The following IGSF9B variants were observed in gnomAD, a reference collection of about 807,000 sequenced individuals.
The protein encoded by IGSF9B is immunoglobulin superfamily member 9B.
A neutral mutation model predicts 143.7 loss-of-function variants in IGSF9B; 48 were observed. The observed-to-expected ratio is 0.33, with a 90% CI of 0.26 to 0.42. IGSF9B has a LOEUF of 0.42. IGSF9B is among the 20% of genes least tolerant of loss of function. IGSF9B has a pLI of 1.00. For missense variants in IGSF9B, 1,706 were observed against 1,980.0 expected (o/e 0.86, Z 2.63); for synonymous variants, 903 against 833.1 (o/e 1.08, Z -1.44).
At chr11:133,954,247 T>TCCTTCCATAAACCTCTGG (rs1242579191) in intron 1 of IGSF9B, among the ~76,000 whole-genome samples, 1 of 152,192 alleles carries the variant, frequency 6.6e-6, no homozygotes, top group East Asian at 1.9e-4. Flanking sequence ...CCGGGCTGTG[T>TCCTTCCATAAACCTCTGG]CCTTCCATAA....
rs1257004419 is a variant in IGSF9B at position 133,920,446 on chromosome 11, G to A, written c.3279C>T (p.Gly1093=). 3 of 1,567,434 alleles carry A rather than the reference G, an allele frequency of 1.9e-6. No homozygotes were observed. Among genetic ancestry groups the A allele is most frequent in the Admixed American group, 1.8e-5 (1 of 54,424 alleles). ...TSLQVPAAYP[G]ILSLEAPKGW... ...CCTTCGGTGCCTCCAGAGACAGGATGCCCGGGTAGGCCGCGGGCACCTGCA... is the reference window on the plus strand; with the variant it reads ...CCTTCGGTGCCTCCAGAGACAGGATACCCGGGTAGGCCGCGGGCACCTGCA... Residue 1093 remains glycine, a synonymous_variant, in exon 18 of 20, where the codon GGC becomes GGT. Transcript: ENST00000533871.
At chr11:133,951,496 G>C (rs981880660) in intron 1 of IGSF9B, among the ~76,000 whole-genome samples, 1 of 152,256 alleles carries the variant, frequency 6.6e-6, no homozygotes, top group Admixed American at 6.5e-5. Flanking sequence ...CTCCGGCCCT[G>C]AGCCTTCTCG....
chr11:133,917,194 T>C (rs1378053789), intron 18 of IGSF9B, among the ~76,000 whole-genome samples: 2 of 152,142 alleles, frequency 1.3e-5, no homozygotes, highest in Non-Finnish European at 2.9e-5. Flanking sequence ...GCCCGATGCC[T>C]GTGTGTGCCC....
chr11:133,950,817 C>T (rs906460398), intron 1 of IGSF9B, among the ~76,000 whole-genome samples: 1 of 152,112 alleles, frequency 6.6e-6, no homozygotes, highest in Non-Finnish European at 1.5e-5. Flanking sequence ...AAGCGGGGAA[C>T]GGAGTGAGCA....
chr11:133,932,362 AGACAGACAGACACGGG>A (rs1939749629), intron 7 of IGSF9B, 149 bp from the exon 8 acceptor site: 1 of 774,488 alleles, frequency 1.3e-6, no homozygotes. Flanking sequence ...ACACAGGGAC[AGACAGACAGACACGGG>A]GACAGACAGA....
chr11:133,910,199 G>A (rs1452253417), intron 19 of IGSF9B, among the ~76,000 whole-genome samples: 1 of 152,192 alleles, frequency 6.6e-6, no homozygotes, highest in African/African-American at 2.4e-5. Flanking sequence ...GTGTGTGTTT[G>A]TGTATGTGCA....
At chr11:133,934,843 C>G (rs1312043718) in intron 7 of IGSF9B, among the ~76,000 whole-genome samples, 2 of 152,236 alleles carry the variant, frequency 1.3e-5, no homozygotes, top group Non-Finnish European at 2.9e-5. Flanking sequence ...TCCGCCCACA[C>G]CAGCCGGGAA....
rs543926637 is a variant in IGSF9B, at chr11:133,945,487, C to T, written c.262+574G>A. On this transcript the variant is annotated intron_variant, in intron 2 of 19. Transcript: ENST00000533871. The surrounding 1 kb of genome is among the most constrained non-coding windows in gnomAD (Gnocchi z 4.6). ...GCACACGCACGCACACACACACCCA[C>T]GCCCTCCTCTCCCGCGGGCTGGGGG... Among the ~76,000 whole-genome samples the T allele has an allele frequency of 6.6e-6, 1 of 152,182 alleles. No homozygotes were observed. The highest frequency in any genetic ancestry group is 2.1e-4 in the South Asian group (1 of 4,828).
rs1240223423 is a variant in IGSF9B, at chr11:133,901,513, A to G, written c.*7556T>C. On this transcript the variant is annotated 3_prime_UTR_variant, in exon 20 of 20. Transcript: ENST00000533871. The stretch of plus-strand genomic sequence containing the variant: ...CTCATCTCTTGCCCTCCCGCTCCCC[A>G]CACCCGAGTGCCACTCGCCCGAAGC... The G allele has an allele frequency of 6.6e-6, 1 of 152,088 alleles. No homozygotes were observed. The highest frequency in any genetic ancestry group is 1.5e-5 in the Non-Finnish European group (1 of 68,002). 9.4% of individuals were successfully genotyped at this position (152,088 alleles called of 1,614,324 possible).
chr11:133,918,441 A>AC (rs1951485081), intron 18 of IGSF9B, among the ~76,000 whole-genome samples: 1 of 151,928 alleles, frequency 6.6e-6, no homozygotes. Flanking sequence ...GAGGAGAGAG[A>AC]CGGAGACCCA....
At chr11:133,942,493 G>C (rs1939970172) in intron 3 of IGSF9B, among the ~76,000 whole-genome samples, 1 of 152,140 alleles carries the variant, frequency 6.6e-6, no homozygotes, top group Non-Finnish European at 1.5e-5. Flanking sequence ...TAAAATTGAA[G>C]TGAGATTCTA....
intron 1 of IGSF9B, among the ~76,000 whole-genome samples, chr11:133,951,099 T>A (rs1030147408): frequency 1.3e-5 from 2 of 151,574 alleles, no homozygotes; most frequent in African/African-American, 4.9e-5. Context: ...TCTCACAAAG[T>A]GGGAGGCACA....
rs1307624022 is a variant in IGSF9B, at chr11:133,953,268, A to G, written c.64+3423T>C. On this transcript the variant is annotated intron_variant, in intron 1 of 19. Transcript: ENST00000533871. This position sits in a 1 kb window ranked among gnomAD's most constrained non-coding sequence, Gnocchi z 4.2. ...GGTCTATCTAGGACCCTGCAACTCC[A>G]GGACCAGCACATGCAGGGCCACAGG... Among the ~76,000 whole-genome samples, 1 of 152,214 alleles carries G rather than the reference A, an allele frequency of 6.6e-6. No homozygotes were observed. Among genetic ancestry groups the G allele is most frequent in the East Asian group, 1.9e-4 (1 of 5,142 alleles).
intron 1 of IGSF9B, among the ~76,000 whole-genome samples, chr11:133,947,755 CTGTT>C (rs1179160616): frequency 1.3e-4 from 16 of 125,300 alleles, no homozygotes; most frequent in East Asian, 8.4e-4. Context: ...CTCTGGATCT[CTGTT>C]TGTCTGTCTT....
In IGSF9B at chr11:133,902,660, C is replaced by T. The variant is rs1342794288; in HGVS notation, c.*6409G>A. ...GGCTGGGGGTTAGAGACCAGGGGGA[C>T]AACCTGGTGCCTGCAGAAGGACACA... is the stretch of plus-strand genomic sequence containing the variant. On this transcript the variant is annotated 3_prime_UTR_variant, in exon 20 of 20. Transcript: ENST00000533871. 2.0e-5 allele frequency among the ~76,000 whole-genome samples: 3 copies of T among 151,082 alleles called. No individual in the cohort carries two copies. The highest frequency in any genetic ancestry group is 3.0e-5 in the Non-Finnish European group (2 of 67,696).
Position 133,935,746 on chromosome 11 carries a change from C to T in IGSF9B, c.838G>A (p.Val280Met). Residue 280 changes from valine (V) to methionine (M), a missense_variant, in exon 7 of 20, where the codon GTG (valine) becomes ATG (methionine). Physicochemically the swap from Val to Met is conservative, Grantham distance 21 (BLOSUM62 1). Coordinates refer to ENST00000533871, the MANE Select transcript of IGSF9B (RefSeq NM_001277285.4). Reference sequence around the variant, plus strand: ...AGGGTCCCATCGATTAGGATGCGCACCCTCAGCTTCAGGTCGCTGCAAAGC... The same window carrying T: ...AGGGTCCCATCGATTAGGATGCGCATCCTCAGCTTCAGGTCGCTGCAAAGC... ...VYFQNDLKLR[V>M]RILIDGTLII... 6.2e-7 allele frequency: 1 copy of T among 1,612,048 alleles called. No homozygotes were observed. Among genetic ancestry groups the T allele is most frequent in the Non-Finnish European group, 8.5e-7 (1 of 1,179,434 alleles).
Position 133,896,568 on chromosome 11 carries a change from C to T in IGSF9B, c.*12501G>A, listed in dbSNP as rs551032803. The stretch of plus-strand genomic sequence containing the variant: ...TTGCAACACTCCCGGGGTACCTGCA[C>T]TGGCTGCACATCTCATCATTTGATG... On this transcript the variant is annotated 3_prime_UTR_variant, in exon 20 of 20. Coordinates refer to ENST00000533871, the MANE Select transcript of IGSF9B (RefSeq NM_001277285.4). 6.6e-6 allele frequency: 1 copy of T among 152,374 alleles called. No homozygotes were observed. Among genetic ancestry groups the T allele is most frequent in the South Asian group, 2.1e-4 (1 of 4,830 alleles). The allele number at this position is 152,374 out of a possible 1,614,324, so 9.4% of individuals were successfully genotyped here. A position where few individuals can be genotyped will look rare whatever the true frequency, so the allele number is the denominator to read the frequency against.
chr11:133,902,571 CA>C lies in IGSF9B; in HGVS notation c.*6497del, dbSNP rs1429605851. 2.0e-3 allele frequency among the ~76,000 whole-genome samples: 83 copies of C among 40,696 alleles called. 1 individual carries two copies. Among genetic ancestry groups the C allele is most frequent in the African/African-American group, 4.6e-3 (78 of 17,002 alleles). 26.7% of individuals were successfully genotyped at this position (40,696 alleles called of 152,430 possible). A position where few individuals can be genotyped will look rare whatever the true frequency, so the allele number is the denominator to read the frequency against. ...ACACCACATACACACACACACCCCA[CA>C]CACACACACACACACCCCACTTACT... On this transcript the variant is annotated 3_prime_UTR_variant, in exon 20 of 20. Coordinates refer to ENST00000533871, the MANE Select transcript of IGSF9B (RefSeq NM_001277285.4).
rs1297521535 is a variant in IGSF9B at position 133,906,906 on chromosome 11, G to A, written c.*2163C>T. 2.0e-5 allele frequency among the ~76,000 whole-genome samples: 3 copies of A among 152,076 alleles called. No homozygotes were observed. Among genetic ancestry groups the A allele is most frequent in the East Asian group, 3.9e-4 (2 of 5,160 alleles). ...CCCACCCCAACACCTCAGGTAAGCC[G>A]GCTCCCGTCATCCCCCAGGAGAGAC... is the stretch of plus-strand genomic sequence containing the variant. On this transcript the variant is annotated 3_prime_UTR_variant, in exon 20 of 20. Transcript: ENST00000533871.
Sources: gnomAD v4.1 joint callset for allele counts (sites outside exome capture counted in the v4.1 genomes callset) on GRCh38, gnomAD v4.1.1 for gene constraint, Gnocchi (gnomAD v3.1) non-coding constraint, MANE v1.5 for transcripts, NCBI Gene and HGNC (gene_info 2026-07-23, HGNC 2026-07-21) for gene names.